The following TRPM3 variants were observed in gnomAD, a reference collection of about 807,000 sequenced individuals.
TRPM3 encodes the protein long transient receptor potential channel 3.
In TRPM3, 77 loss-of-function variants were observed where a neutral mutation model predicts 181.2. The ratio of observed to expected loss-of-function variants is 0.42; its 90% CI spans 0.35 to 0.51. The LOEUF is 0.51. Ranked by LOEUF, TRPM3 falls within the 20% of genes least tolerant of loss-of-function variation. TRPM3 has a pLI of 0.01. For synonymous variants in TRPM3, 745 were observed against 796.4 expected (o/e 0.94, Z 1.09); for missense variants, 1,759 against 2,196.7 (o/e 0.80, Z 3.98).
chr9:71,217,074 C>T (rs2079929845), intron 1 of TRPM3, among the ~76,000 whole-genome samples: 1 of 150,502 alleles, frequency 6.6e-6, no homozygotes, highest in Non-Finnish European at 1.5e-5. Flanking sequence ...CCTCAGCCTC[C>T]CGAGTAGCTG....
At chr9:71,358,266 T>G (rs971189396) in intron 1 of TRPM3, among the ~76,000 whole-genome samples, 4 of 152,160 alleles carry the variant, frequency 2.6e-5, no homozygotes, top group Admixed American at 2.0e-4. Flanking sequence ...TTCTTTTTGG[T>G]TTTATCTATA....
rs144398791 is a variant in TRPM3, at chr9:70,796,485, G to A, written c.974-12206C>T. ...CTCTTCAAGGAATTTTGTTTTTGATGTTGTCTCTGCGAGGAACATATTCAT... is the reference window on the plus strand; with the variant it reads ...CTCTTCAAGGAATTTTGTTTTTGATATTGTCTCTGCGAGGAACATATTCAT... On this transcript the variant is annotated intron_variant, in intron 6 of 25. Coordinates refer to ENST00000677713, the MANE Select transcript of TRPM3 (RefSeq NM_001366145.2). 7.3e-4 allele frequency among the ~76,000 whole-genome samples: 111 copies of A among 152,300 alleles called. 2 individuals are homozygous for A. Among genetic ancestry groups the A allele is most frequent in the African/African-American group, 2.2e-3 (93 of 41,570 alleles).
chr9:71,353,789 C>A (rs2091772630), intron 1 of TRPM3, among the ~76,000 whole-genome samples: 1 of 152,148 alleles, frequency 6.6e-6, no homozygotes, highest in South Asian at 2.1e-4. Flanking sequence ...TTGAGGGCTG[C>A]ATATTCTTCA....
intron 1 of TRPM3, among the ~76,000 whole-genome samples, chr9:70,985,384 C>T (rs2097408737): frequency 6.6e-6 from 1 of 152,086 alleles, no homozygotes; most frequent in Non-Finnish European, 1.5e-5. Context: ...TATTTGGGCA[C>T]CATGAGGAAG....
chr9:71,168,535 G>T (rs11142710), intron 1 of TRPM3, among the ~76,000 whole-genome samples: 260 of 67,356 alleles, frequency 3.9e-3, no homozygotes, highest in East Asian at 9.7e-3. Flanking sequence ...TTTAAGGTGT[G>T]ATTTATTTAT....
At chr9:71,364,139 G>A (rs1167210075) in intron 1 of TRPM3, among the ~76,000 whole-genome samples, 1 of 150,752 alleles carries the variant, frequency 6.6e-6, no homozygotes. Flanking sequence ...AAAAAGGAAA[G>A]CAAATAAAAA....
chr9:71,372,388 T>C (rs2092544455), intron 1 of TRPM3, among the ~76,000 whole-genome samples: 2 of 152,170 alleles, frequency 1.3e-5, no homozygotes, highest in African/African-American at 2.4e-5. Context: ...TCTACCTCCA[T>C]GCCTTTCAGG....
chr9:71,145,144 T>C lies in TRPM3; in HGVS notation c.184-280633A>G, dbSNP rs572909639. On this transcript the variant is annotated intron_variant, in intron 1 of 24. Coordinates refer to the TRPM3 transcript ENST00000357533. Reference sequence around the variant, plus strand: ...GAGAAACTAGAACAGCTGTTTATCATCATAATTATAATGAAGAGCAAAGAG... The same window carrying C: ...GAGAAACTAGAACAGCTGTTTATCACCATAATTATAATGAAGAGCAAAGAG... Among the ~76,000 whole-genome samples the C allele has an allele frequency of 3.9e-5, 6 of 152,172 alleles. No individual in the cohort carries two copies. In the South Asian group the frequency reaches 1.2e-3, roughly 32 times the overall value.
chr9:70,640,806 G>C (rs1387530739), intron 9 of TRPM3, 146 bp from the exon 10 acceptor site: 3 of 581,874 alleles, frequency 5.2e-6, no homozygotes, highest in Admixed American at 3.0e-5. Flanking sequence ...TCTCAAACTT[G>C]GTATTATTAA....
At chr9:70,538,199 C>T (rs932759689) in intron 25 of TRPM3, among the ~76,000 whole-genome samples, 2 of 152,286 alleles carry the variant, frequency 1.3e-5, no homozygotes, top group South Asian at 2.1e-4. Context: ...TCTGTCTCTC[C>T]CTCTCTGGTT....
At chr9:70,989,375 T>G (rs2134105548) in intron 1 of TRPM3, among the ~76,000 whole-genome samples, 1 of 152,294 alleles carries the variant, frequency 6.6e-6, no homozygotes, top group Admixed American at 6.5e-5. Context: ...CTCCATCTCC[T>G]TTAGTTTGTA....
chr9:70,933,703 G>T (rs1409398049), intron 1 of TRPM3, among the ~76,000 whole-genome samples: 1 of 152,014 alleles, frequency 6.6e-6, no homozygotes, highest in Non-Finnish European at 1.5e-5. Flanking sequence ...CCTAAAAAGA[G>T]ATTTTTTTTT....
chr9:71,252,303 T>C (rs1425171637), intron 1 of TRPM3, among the ~76,000 whole-genome samples: 1 of 152,216 alleles, frequency 6.6e-6, no homozygotes, highest in Non-Finnish European at 1.5e-5. Flanking sequence ...ACAAGGTGGA[T>C]ACAGCGTATC....
chr9:70,800,368 A>G (rs1022039057), intron 6 of TRPM3, among the ~76,000 whole-genome samples: 19 of 152,130 alleles, frequency 1.2e-4, no homozygotes, highest in Admixed American at 1.0e-3. Flanking sequence ...CCCTAAGGGG[A>G]AGTAGCCATT....
chr9:70,560,560 C>T (rs1236056970), intron 22 of TRPM3, among the ~76,000 whole-genome samples: 1 of 152,170 alleles, frequency 6.6e-6, no homozygotes, highest in Non-Finnish European at 1.5e-5. Context: ...CTTTAGGGTC[C>T]CTGTCAGGTA....
chr9:70,761,297 G>A (rs975231523), intron 8 of TRPM3: 23 of 604,516 alleles, frequency 3.8e-5, no homozygotes, highest in Admixed American at 8.9e-5. Context: ...AAGCTGAAGC[G>A]TTCTCCAGGA....
chr9:71,359,544 C>A (rs985119546), intron 1 of TRPM3, among the ~76,000 whole-genome samples: 6 of 152,170 alleles, frequency 3.9e-5, no homozygotes, highest in African/African-American at 7.2e-5. Context: ...CATAAACCTA[C>A]TGCATGATTT....
intron 1 of TRPM3, among the ~76,000 whole-genome samples, chr9:71,059,341 G>A (rs777703733): frequency 4.7e-4 from 71 of 151,758 alleles, no homozygotes; most frequent in Non-Finnish European, 4.3e-4. Context: ...AGTATAGTCT[G>A]GCTATTTATT....
chr9:71,171,434 CG>C, intron 1 of TRPM3, among the ~76,000 whole-genome samples: 1 of 152,242 alleles, frequency 6.6e-6, no homozygotes, highest in South Asian at 2.1e-4. Flanking sequence ...ATGTCTCCCC[CG>C]AACACCCGGC....
Sources: gnomAD v4.1 joint callset for allele counts (sites outside exome capture counted in the v4.1 genomes callset) on GRCh38, gnomAD v4.1.1 for gene constraint, MANE v1.5 for transcripts, NCBI Gene and HGNC (gene_info 2026-07-23, HGNC 2026-07-21) for gene names.